Variants in C4orf36 observed in about 807,000 individuals in gnomAD.
The protein encoded by C4orf36 is chromosome 4 open reading frame 36.
C4orf36 carries 11 observed loss-of-function variants against 12.2 expected under a neutral mutation model. That is an observed-to-expected ratio of 0.90 (90% confidence interval 0.57 to 1.49). The LOEUF (loss-of-function observed/expected upper bound fraction) is 1.49, where lower values mean the gene tolerates loss of function less well. Ranked by LOEUF, C4orf36 falls within the 40% of genes most tolerant of loss-of-function variation. C4orf36 has a pLI of 0.00. For synonymous variants in C4orf36, 54 were observed against 51.3 expected, an observed-to-expected ratio of 1.05 and a Z score of -0.22; for missense variants, 137 against 133.9, an observed-to-expected ratio of 1.02 and a Z score of -0.11.
chr4:86,883,353 A>G (rs77582481), intron 4 of C4orf36, among the ~76,000 whole-genome samples: 2,658 of 152,352 alleles, frequency 0.017, 83 homozygotes, highest in African/African-American at 0.061. Context: ...TAGTTTGGCA[A>G]GTAGTACATA....
the C4orf36 span, among the ~76,000 whole-genome samples, chr4:86,909,798 T>A: frequency 1.4e-5 from 2 of 144,514 alleles, no homozygotes; most frequent in African/African-American, 5.1e-5. Context: ...CTGAGCCACA[T>A]GATAAAGTCA....
the C4orf36 span, among the ~76,000 whole-genome samples, chr4:86,918,478 G>A: frequency 2.0e-5 from 3 of 152,258 alleles, no homozygotes; most frequent in South Asian, 6.2e-4. Context: ...GCAACTCTAA[G>A]ACTTGCTGAT....
intron 4 of C4orf36, 120 bp downstream of exon 4, chr4:86,887,638 G>A (rs2149421592): frequency 8.5e-7 from 1 of 1,180,786 alleles, no homozygotes; most frequent in South Asian, 1.5e-5. Context: ...GCTGTGGGCA[G>A]TGGCCCATCC....
In C4orf36 at chr4:86,876,310, T is replaced by G; in HGVS notation, c.*136A>C. The G allele has an allele frequency of 7.0e-7, 1 of 1,424,394 alleles. No individual in the cohort carries two copies. Among genetic ancestry groups the G allele is most frequent in the Non-Finnish European group, 9.4e-7 (1 of 1,068,166 alleles). 88.2% of individuals were successfully genotyped at this position (1,424,394 alleles called of 1,614,324 possible). A position where few individuals can be genotyped will look rare whatever the true frequency, so the allele number is the denominator to read the frequency against. On this transcript the variant is annotated 3_prime_UTR_variant, in exon 5 of 5. Transcript: ENST00000295898. The stretch of plus-strand genomic sequence containing the variant: ...GTCTCTGGGCGGGCCGTGGGAGGCT[T>G]CCTGAGGTGGGGGCCGGGCCAGGAT...
At chr4:86,880,254 G>A (rs924994745) in intron 4 of C4orf36, among the ~76,000 whole-genome samples, 1 of 152,142 alleles carries the variant, frequency 6.6e-6, no homozygotes, top group African/African-American at 2.4e-5. Flanking sequence ...GAACAGATCA[G>A]TTGAGGTCAG....
upstream of C4orf36, among the ~76,000 whole-genome samples, chr4:86,896,645 G>C (rs376747728): frequency 6.6e-6 from 1 of 151,934 alleles, no homozygotes; most frequent in African/African-American, 2.4e-5. Context: ...TAGTCCATTT[G>C]TTCTGCCTCA....
chr4:86,901,347 ATCTCT>A, the C4orf36 span, among the ~76,000 whole-genome samples: 1 of 147,942 alleles, frequency 6.8e-6, no homozygotes, highest in East Asian at 1.9e-4. Context: ...ATCATATCTG[ATCTCT>A]TCTCTCTGTC....
chr4:86,902,279 C>G, the C4orf36 span, among the ~76,000 whole-genome samples: 1 of 151,884 alleles, frequency 6.6e-6, no homozygotes, highest in Admixed American at 6.6e-5. Flanking sequence ...TAAAAATTAG[C>G]TGGGCATGGT....
At chr4:86,887,958 CTG>C in intron 3 of C4orf36, 65 bp from the exon 4 acceptor site, 5 of 1,597,246 alleles carry the variant, frequency 3.1e-6, no homozygotes, top group Non-Finnish European at 4.3e-6. Context: ...TAAGTCAAAA[CTG>C]AATATCATAC....
intron 4 of C4orf36, among the ~76,000 whole-genome samples, chr4:86,886,013 G>C (rs977653536): frequency 6.6e-6 from 1 of 152,094 alleles, no homozygotes; most frequent in Non-Finnish European, 1.5e-5. Flanking sequence ...ATTGATTTGC[G>C]TATGTTGAAC....
At chr4:86,908,290 T>C in the C4orf36 span, among the ~76,000 whole-genome samples, 1 of 151,428 alleles carries the variant, frequency 6.6e-6, no homozygotes, top group African/African-American at 2.4e-5. Context: ...TGAAAGAAAG[T>C]GGGTTTGATA....
At chr4:86,906,059 T>C in the C4orf36 span, among the ~76,000 whole-genome samples, 6 of 152,188 alleles carry the variant, frequency 3.9e-5, no homozygotes, top group South Asian at 8.3e-4. Flanking sequence ...CTGAAGATGA[T>C]TAGTCAGCAA....
intron 4 of C4orf36, among the ~76,000 whole-genome samples, chr4:86,881,032 C>CAAA (rs35264730): frequency 3.9e-5 from 4 of 103,074 alleles, no homozygotes; most frequent in Non-Finnish European, 3.9e-5. Flanking sequence ...GATTCCGCCT[C>CAAA]AAAAAAAAAA....
At chr4:86,884,671 T>G (rs1430333920) in intron 4 of C4orf36, among the ~76,000 whole-genome samples, 2 of 152,158 alleles carry the variant, frequency 1.3e-5, no homozygotes, top group African/African-American at 4.8e-5. Flanking sequence ...GCACCACATG[T>G]GAATATTCAA....
At chr4:86,886,882 G>T (rs1256415422) in intron 4 of C4orf36, 3 of 152,170 alleles carry the variant, frequency 2.0e-5, no homozygotes, top group Admixed American at 6.5e-5. Context: ...AACAATGATA[G>T]ACTGGATTAA....
At chr4:86,887,525 C>T (rs1387547875) in intron 4 of C4orf36, 2 of 411,622 alleles carry the variant, frequency 4.9e-6, no homozygotes, top group Non-Finnish European at 8.5e-6. Flanking sequence ...CGACTCAACT[C>T]CAAATGCATT....
the C4orf36 span, among the ~76,000 whole-genome samples, chr4:86,917,253 C>T: frequency 0.02 from 3,009 of 151,560 alleles, 110 homozygotes; most frequent in African/African-American, 0.068. Flanking sequence ...TCACTGCACC[C>T]GGGGCAGCAG....
chr4:86,893,099 C>G (rs578024832), upstream of C4orf36, among the ~76,000 whole-genome samples: 1 of 152,308 alleles, frequency 6.6e-6, no homozygotes, highest in East Asian at 1.9e-4. Flanking sequence ...AGATCCTGCC[C>G]TGAGATTCTC....
the C4orf36 span, among the ~76,000 whole-genome samples, chr4:86,916,382 A>C: frequency 2.4e-4 from 36 of 152,194 alleles, no homozygotes; most frequent in South Asian, 7.1e-3. Flanking sequence ...AAAAAAAAAA[A>C]AAACTTTTTC....
Sources: gnomAD v4.1 joint callset for allele counts (sites outside exome capture counted in the v4.1 genomes callset) on GRCh38, gnomAD v4.1.1 for gene constraint, MANE v1.5 for transcripts, NCBI Gene and HGNC (gene_info 2026-07-23, HGNC 2026-07-21) for gene names.